USH2A: variants seen among roughly 807,000 people sequenced by gnomAD.
The protein encoded by USH2A is usherin, also known as Usher syndrome 2A (autosomal recessive, mild).
In USH2A, 443 loss-of-function variants were observed where a neutral mutation model predicts 538.9. That is an observed-to-expected ratio of 0.82 (90% CI 0.76 to 0.89). USH2A has a LOEUF of 0.89. Ranked by LOEUF, USH2A falls within the 40% of genes least tolerant of loss-of-function variation. The probability of loss-of-function intolerance (pLI) is 0.00; values close to 1 mark genes in which losing one functional copy is unlikely to be tolerated. For missense variants in USH2A, 6,633 were observed against 6,324.8 expected, an observed-to-expected ratio of 1.05 and a Z score of -1.65; for synonymous variants, 2,413 against 2,273.5, an observed-to-expected ratio of 1.06 and a Z score of -1.75.
chr1:216,365,945 T>C (rs926601908), intron 3 of USH2A, among the ~76,000 whole-genome samples: 11 of 152,210 alleles, frequency 7.2e-5, no homozygotes, highest in South Asian at 4.1e-4. Flanking sequence ...GATTTTTGTT[T>C]ATGCGACTGG....
chr1:216,076,973 G>A (rs1430929605), intron 27 of USH2A, among the ~76,000 whole-genome samples: 4 of 152,144 alleles, frequency 2.6e-5, no homozygotes, highest in African/African-American at 9.7e-5. Context: ...AGCATTGACT[G>A]TAAAAAGGAG....
At chr1:215,629,298 A>G (rs1029277638) in intron 70 of USH2A, among the ~76,000 whole-genome samples, 1 of 152,170 alleles carries the variant, frequency 6.6e-6, no homozygotes, top group African/African-American at 2.4e-5. Flanking sequence ...CGGCACCTAG[A>G]GAGCTCATGC....
intron 4 of USH2A, among the ~76,000 whole-genome samples, chr1:216,342,964 C>G (rs2038104350): frequency 2.0e-5 from 3 of 151,852 alleles, no homozygotes; most frequent in South Asian, 4.2e-4. Flanking sequence ...CAAACTTTCA[C>G]GTTATGCACA....
chr1:216,324,458 T>C (rs999310163), intron 6 of USH2A, 106 bp from the exon 7 acceptor site: 1 of 1,062,756 alleles, frequency 9.4e-7, no homozygotes, highest in African/African-American at 1.6e-5. Context: ...CACTTCATCA[T>C]AATTATAGTT....
chr1:215,692,370 C>G (rs554665264), intron 61 of USH2A, among the ~76,000 whole-genome samples: 5 of 151,554 alleles, frequency 3.3e-5, no homozygotes, highest in Non-Finnish European at 5.9e-5. Flanking sequence ...ATGGGAGATA[C>G]CAGGAGTATA....
At chr1:215,766,536 A>C in intron 56 of USH2A, 145 bp downstream of exon 56, 1 of 781,318 alleles carries the variant, frequency 1.3e-6, no homozygotes, top group Non-Finnish European at 2.2e-6. Context: ...TCAAGCCTGA[A>C]GAATGGGAAC....
intron 61 of USH2A, among the ~76,000 whole-genome samples, chr1:215,705,467 T>C (rs1331167589): frequency 1.3e-5 from 2 of 152,224 alleles, no homozygotes; most frequent in Non-Finnish European, 2.9e-5. Context: ...ATGACAAGTA[T>C]GTAACAACTG....
chr1:216,069,543 G>T (rs532864180), intron 30 of USH2A, among the ~76,000 whole-genome samples: 1 of 152,014 alleles, frequency 6.6e-6, no homozygotes, highest in Non-Finnish European at 1.5e-5. Context: ...TAATACACAC[G>T]CATGAATTTG....
intron 16 of USH2A, chr1:216,204,363 T>A (rs1259179541): frequency 6.6e-6 from 1 of 152,180 alleles, no homozygotes; most frequent in Non-Finnish European, 1.5e-5. Context: ...AACGTAAAGA[T>A]ATACCTTGTT....
intron 26 of USH2A, chr1:216,079,101 A>T (rs2102555302): frequency 6.6e-6 from 1 of 152,290 alleles, no homozygotes; most frequent in South Asian, 2.1e-4. Flanking sequence ...TATGATATTT[A>T]AAATCTTGAG....
intron 21 of USH2A, among the ~76,000 whole-genome samples, chr1:216,115,692 A>T (rs934220746): frequency 6.6e-6 from 1 of 152,034 alleles, no homozygotes; most frequent in African/African-American, 2.4e-5. Context: ...AATAAATTGA[A>T]TTTATTCAAT....
intron 22 of USH2A, among the ~76,000 whole-genome samples, chr1:216,093,301 G>A (rs956701968): frequency 4.6e-5 from 7 of 152,146 alleles, no homozygotes; most frequent in African/African-American, 1.4e-4. Context: ...GGCACCTGCG[G>A]ACTATGTATA....
At chr1:215,987,377 CATA>C (rs1228020873) in intron 35 of USH2A, among the ~76,000 whole-genome samples, 1 of 152,170 alleles carries the variant, frequency 6.6e-6, no homozygotes, top group Non-Finnish European at 1.5e-5. Context: ...CAAGGTCCTA[CATA>C]ATAAGGGTTC....
intron 19 of USH2A, among the ~76,000 whole-genome samples, chr1:216,192,429 T>C (rs1044164657): frequency 6.6e-6 from 1 of 151,996 alleles, no homozygotes; most frequent in Non-Finnish European, 1.5e-5. Context: ...CAGTGGCTCA[T>C]GCCTGTAATC....
At chr1:216,031,031 T>A (rs1313658619) in intron 32 of USH2A, among the ~76,000 whole-genome samples, 3 of 151,956 alleles carry the variant, frequency 2.0e-5, no homozygotes, top group African/African-American at 7.2e-5. Flanking sequence ...TCCCCTAATA[T>A]CCCTGATATC....
chr1:215,820,752 C>G (rs756655648), intron 47 of USH2A, among the ~76,000 whole-genome samples: 3 of 151,646 alleles, frequency 2.0e-5, no homozygotes, highest in Non-Finnish European at 4.4e-5. Flanking sequence ...CCCCATGACC[C>G]TCTCAGGCCT....
intron 21 of USH2A, among the ~76,000 whole-genome samples, chr1:216,170,109 C>T (rs909934543): frequency 6.6e-6 from 1 of 151,888 alleles, no homozygotes; most frequent in Non-Finnish European, 1.5e-5. Flanking sequence ...ACTATAAATG[C>T]TTATAATCAG....
chr1:215,911,960 T>C (rs772979112), intron 38 of USH2A, among the ~76,000 whole-genome samples: 1 of 152,098 alleles, frequency 6.6e-6, no homozygotes, highest in Non-Finnish European at 1.5e-5. Flanking sequence ...TCTCTGATAA[T>C]TGATGATGCT....
chr1:215,887,357 T>A (rs759240481), intron 41 of USH2A, among the ~76,000 whole-genome samples: 24 of 152,168 alleles, frequency 1.6e-4, no homozygotes, highest in Non-Finnish European at 1.0e-4. Flanking sequence ...AAAAGTCATT[T>A]CTGGAATGAT....
Sources: gnomAD v4.1 joint callset for allele counts (sites outside exome capture counted in the v4.1 genomes callset) on GRCh38, gnomAD v4.1.1 for gene constraint, MANE v1.5 for transcripts, NCBI Gene and HGNC (gene_info 2026-07-23, HGNC 2026-07-21) for gene names.